Variants in LCLAT1 observed in about 807,000 individuals in gnomAD.
LCLAT1 encodes lysocardiolipin acyltransferase 1.
LCLAT1 carries 11 observed loss-of-function variants against 30.7 expected under a neutral mutation model. The ratio of observed to expected loss-of-function variants is 0.36; its 90% confidence interval spans 0.23 to 0.59. LCLAT1 has a LOEUF of 0.59. LCLAT1 is among the 20% of genes least tolerant of loss of function. The pLI is 0.77. For missense variants in LCLAT1, 402 were observed against 458.6 expected, an observed-to-expected ratio of 0.88 and a Z score of 1.13; for synonymous variants, 155 against 151.3, an observed-to-expected ratio of 1.02 and a Z score of -0.18.
chr2:30,490,929 G>A (rs529257882), intron 1 of LCLAT1, among the ~76,000 whole-genome samples: 80 of 152,200 alleles, frequency 5.3e-4, no homozygotes, highest in African/African-American at 1.9e-3. Context: ...GACTTAGTAT[G>A]AAAAAATAAA....
intron 1 of LCLAT1, among the ~76,000 whole-genome samples, chr2:30,482,469 G>C (rs1683365652): frequency 6.6e-6 from 1 of 152,192 alleles, no homozygotes; most frequent in African/African-American, 2.4e-5. Flanking sequence ...TGGAAAGAAT[G>C]TATGGCTATT....
At chr2:30,629,214 A>G (rs139171009) in intron 5 of LCLAT1, among the ~76,000 whole-genome samples, 64 of 152,312 alleles carry the variant, frequency 4.2e-4, no homozygotes, top group African/African-American at 7.5e-4. Flanking sequence ...AATAAATTAT[A>G]TTACCACAGT....
In LCLAT1 at chr2:30,619,834, T is replaced by C. The variant is rs1668159565; in HGVS notation, c.629-20283T>C. 7.2e-5 allele frequency among the ~76,000 whole-genome samples: 11 copies of C among 152,258 alleles called. No individual in the cohort carries two copies. In the South Asian group the frequency reaches 2.1e-3, roughly 29 times the overall value. ...TTAGTCATTTCGTGTCCCAGAGTTA[T>C]CCAGAATCATATCTAGCAAGATTTA... On this transcript the variant is annotated intron_variant, in intron 5 of 5. Coordinates refer to ENST00000379509, the MANE Select transcript of LCLAT1 (RefSeq NM_001002257.3).
intron 5 of LCLAT1, among the ~76,000 whole-genome samples, chr2:30,591,741 A>T (rs1043514258): frequency 2.0e-5 from 3 of 152,198 alleles, no homozygotes; most frequent in Non-Finnish European, 4.4e-5. Context: ...CAGACAGGTG[A>T]ACAGTTAATA....
At chr2:30,619,149 T>G (rs1244970973) in intron 5 of LCLAT1, among the ~76,000 whole-genome samples, 1 of 152,184 alleles carries the variant, frequency 6.6e-6, no homozygotes, top group African/African-American at 2.4e-5. Context: ...AGTGAGCTGC[T>G]AGGAGTAGGA....
rs866482387 is a variant in LCLAT1 at position 30,477,012 on chromosome 2, C to T, written c.-5+29629C>T. Among the ~76,000 whole-genome samples the T allele has an allele frequency of 2.6e-5, 4 of 152,320 alleles. No homozygotes were observed. In the Middle Eastern group the frequency reaches 0.01, roughly 389 times the overall value. ...AATTTTTGGCCCATAAGGTATTTTA[C>T]TTACTCTAAAGACTTACTTGATAGA... On this transcript the variant is annotated intron_variant, in intron 1 of 5. Coordinates refer to ENST00000379509, the MANE Select transcript of LCLAT1 (RefSeq NM_001002257.3).
At chr2:30,565,826 A>G (rs1024650880) in intron 4 of LCLAT1, among the ~76,000 whole-genome samples, 1 of 152,124 alleles carries the variant, frequency 6.6e-6, no homozygotes, top group African/African-American at 2.4e-5. Flanking sequence ...TGTTTTGTTT[A>G]AGGTGGTTAG....
intron 5 of LCLAT1, among the ~76,000 whole-genome samples, chr2:30,568,864 C>CAAAAAAAAAAAAAAAAA (rs61325694): frequency 6.7e-5 from 6 of 89,114 alleles, no homozygotes; most frequent in East Asian, 3.9e-4. Context: ...TCATGAATAG[C>CAAAAAAAAAAAAAAAAA]AAAAAAAAAA....
chr2:30,452,898 A>G (rs1681629811), intron 1 of LCLAT1, among the ~76,000 whole-genome samples: 1 of 152,014 alleles, frequency 6.6e-6, no homozygotes, highest in African/African-American at 2.4e-5. Context: ...GGCCATAGGG[A>G]TCCTACTGTA....
At chr2:30,450,980 C>CGT (rs35125419) in intron 1 of LCLAT1, among the ~76,000 whole-genome samples, 35,503 of 151,738 alleles carry the variant, frequency 0.23, 5,006 homozygotes, top group East Asian at 0.52. Context: ...GGACTCATAC[C>CGT]GTGTGTGTGT....
chr2:30,496,284 C>T (rs1684111092), intron 1 of LCLAT1, among the ~76,000 whole-genome samples: 1 of 152,174 alleles, frequency 6.6e-6, no homozygotes, highest in African/African-American at 2.4e-5. Context: ...GACACAGACC[C>T]AAACCATATC....
At chr2:30,579,078 C>A (rs1050568614) in intron 5 of LCLAT1, among the ~76,000 whole-genome samples, 1 of 152,056 alleles carries the variant, frequency 6.6e-6, no homozygotes, top group African/African-American at 2.4e-5. Flanking sequence ...GGCACCTGGC[C>A]TGTTCCTTTT....
chr2:30,631,445 G>A (rs1668767561), intron 5 of LCLAT1, among the ~76,000 whole-genome samples: 10 of 152,094 alleles, frequency 6.6e-5, no homozygotes, highest in Admixed American at 6.5e-4. Context: ...TAGACTGAAT[G>A]TTAGAAAATA....
chr2:30,559,402 C>G (rs1665088917), intron 3 of LCLAT1, among the ~76,000 whole-genome samples: 1 of 152,178 alleles, frequency 6.6e-6, no homozygotes, highest in South Asian at 2.1e-4. Context: ...ATCTGAAATT[C>G]TGTCATTATT....
chr2:30,455,065 A>AGGGAACT (rs1272150021), intron 1 of LCLAT1, among the ~76,000 whole-genome samples: 3 of 150,474 alleles, frequency 2.0e-5, no homozygotes, highest in African/African-American at 7.3e-5. Flanking sequence ...GCTAATCTTC[A>AGGGAACT]GGGAACTGAG....
chr2:30,510,081 T>C (rs570530360), intron 1 of LCLAT1, among the ~76,000 whole-genome samples: 6 of 152,186 alleles, frequency 3.9e-5, no homozygotes, highest in Non-Finnish European at 7.3e-5. Context: ...GAGTCTTCCT[T>C]TTGTGCCATC....
At chr2:30,457,096 C>A (rs1407131599) in intron 1 of LCLAT1, among the ~76,000 whole-genome samples, 1 of 152,112 alleles carries the variant, frequency 6.6e-6, no homozygotes, top group Non-Finnish European at 1.5e-5. Flanking sequence ...TTTTAGATTT[C>A]TTAAGAGGTT....
rs142131771 is a variant in LCLAT1, at chr2:30,559,148, T to G, written c.365-2998T>G. On this transcript the variant is annotated intron_variant, in intron 3 of 5. Transcript: ENST00000379509. Reference sequence around the variant, plus strand: ...GTGATTCTACTTATATGATTTGTGGTGTTAGAAGTTGGAGTATTGGTTTTC... The same window carrying G: ...GTGATTCTACTTATATGATTTGTGGGGTTAGAAGTTGGAGTATTGGTTTTC... Among the ~76,000 whole-genome samples the G allele has an allele frequency of 2.8e-3, 421 of 152,270 alleles. 3 individuals are homozygous for G. Among genetic ancestry groups the G allele is most frequent in the African/African-American group, 9.6e-3 (399 of 41,550 alleles).
intron 5 of LCLAT1, among the ~76,000 whole-genome samples, chr2:30,601,982 C>T (rs777496311): frequency 6.6e-6 from 1 of 151,836 alleles, no homozygotes; most frequent in Non-Finnish European, 1.5e-5. Flanking sequence ...ACATTTGGGG[C>T]CAGCTCCAAC....
Sources: gnomAD v4.1 joint callset for allele counts (sites outside exome capture counted in the v4.1 genomes callset) on GRCh38, gnomAD v4.1.1 for gene constraint, MANE v1.5 for transcripts, NCBI Gene and HGNC (gene_info 2026-07-23, HGNC 2026-07-21) for gene names.